Variants in EIF3H observed in about 807,000 individuals in gnomAD.
The protein encoded by EIF3H is eIF-3-gamma.
EIF3H carries 26 observed loss-of-function variants against 44.2 expected under a neutral mutation model. That is an observed-to-expected ratio of 0.59 (90% CI 0.43 to 0.82). EIF3H has a LOEUF of 0.82. EIF3H is among the 40% of genes least tolerant of loss of function. The pLI, the probability that EIF3H is intolerant of heterozygous loss-of-function variation, is 0.00. For synonymous variants in EIF3H, 166 were observed against 151.9 expected (o/e 1.09, Z -0.68); for missense variants, 359 against 432.8 (o/e 0.83, Z 1.51).
At chr8:116,735,626 C>T (rs1815021685) in intron 1 of EIF3H, among the ~76,000 whole-genome samples, 1 of 152,092 alleles carries the variant, frequency 6.6e-6, no homozygotes, top group Admixed American at 6.5e-5. Flanking sequence ...CCTATCTTTA[C>T]GCCACAGAGC....
intron 2 of EIF3H, among the ~76,000 whole-genome samples, chr8:116,720,924 C>T (rs1037895102): frequency 1.3e-5 from 2 of 151,928 alleles, no homozygotes; most frequent in Admixed American, 6.6e-5. Context: ...AAAAGGGAAA[C>T]AGAGTATAAA....
chr8:116,719,911 G>A (rs982407250), intron 2 of EIF3H, among the ~76,000 whole-genome samples: 13 of 152,244 alleles, frequency 8.5e-5, no homozygotes, highest in East Asian at 1.9e-4. Flanking sequence ...TTAACCTCTG[G>A]CATACACTTC....
intron 2 of EIF3H, among the ~76,000 whole-genome samples, chr8:116,661,162 T>A (rs1813580825): frequency 6.6e-6 from 1 of 152,200 alleles, no homozygotes. Flanking sequence ...AATCACTGAT[T>A]TGGCTAATAA....
intron 1 of EIF3H, among the ~76,000 whole-genome samples, chr8:116,735,175 CAA>C (rs1405876216): frequency 6.6e-6 from 1 of 152,082 alleles, no homozygotes; most frequent in Non-Finnish European, 1.5e-5. Flanking sequence ...AGCCATGCCC[CAA>C]AATACATCAG....
intron 2 of EIF3H, among the ~76,000 whole-genome samples, chr8:116,699,919 C>T (rs1814342308): frequency 6.6e-6 from 1 of 152,016 alleles, no homozygotes; most frequent in South Asian, 2.1e-4. Flanking sequence ...CAAGAGACTC[C>T]CGTGCCTCAG....
upstream of EIF3H, chr8:116,755,829 T>C (rs764193322): frequency 6.2e-7 from 1 of 1,609,388 alleles, no homozygotes; most frequent in Non-Finnish European, 8.5e-7. Flanking sequence ...AAGAGAAACG[T>C]GAGTTACCGG....
chr8:116,685,108 T>C (rs1814051526), intron 2 of EIF3H, among the ~76,000 whole-genome samples: 1 of 152,202 alleles, frequency 6.6e-6, no homozygotes, highest in Non-Finnish European at 1.5e-5. Context: ...AATCACTCCG[T>C]CTTTAGGTTA....
At chr8:116,748,158 C>CA (rs537744856) in intron 1 of EIF3H, among the ~76,000 whole-genome samples, 10,610 of 134,386 alleles carry the variant, frequency 0.079, 1,212 homozygotes, top group African/African-American at 0.26. Flanking sequence ...GTCTCAAAAA[C>CA]AAAAAAAAAA....
chr8:116,726,349 A>G (rs1814838052), intron 1 of EIF3H, among the ~76,000 whole-genome samples, 177 bp from the exon 2 acceptor site: 1 of 152,226 alleles, frequency 6.6e-6, no homozygotes, highest in Non-Finnish European at 1.5e-5. Flanking sequence ...AATAAAGCTC[A>G]CATAATCTAA....
chr8:116,702,446 T>G (rs1814393451), intron 2 of EIF3H, among the ~76,000 whole-genome samples: 1 of 152,234 alleles, frequency 6.6e-6, no homozygotes, highest in Non-Finnish European at 1.5e-5. Flanking sequence ...AACCACGTAC[T>G]GCCTTGTGAT....
chr8:116,762,931 G>C (rs946884872), intron 1 of EIF3H, among the ~76,000 whole-genome samples: 9 of 152,218 alleles, frequency 5.9e-5, no homozygotes, highest in Non-Finnish European at 1.3e-4. Flanking sequence ...GCAACAGAGC[G>C]AGACTCCGTC....
At chr8:116,711,799 T>C (rs1400340023) in intron 2 of EIF3H, among the ~76,000 whole-genome samples, 2 of 152,226 alleles carry the variant, frequency 1.3e-5, no homozygotes, top group African/African-American at 4.8e-5. Flanking sequence ...CTTTCAATAA[T>C]CTGATTCACT....
intron 2 of EIF3H, among the ~76,000 whole-genome samples, chr8:116,692,893 G>C (rs962059426): frequency 1.3e-5 from 2 of 152,002 alleles, no homozygotes; most frequent in African/African-American, 4.8e-5. Context: ...CTGGCACAAA[G>C]CTTAATTTTA....
intron 2 of EIF3H, among the ~76,000 whole-genome samples, chr8:116,712,736 G>C (rs1369977125): frequency 2.0e-5 from 3 of 152,098 alleles, no homozygotes; most frequent in Admixed American, 2.0e-4. Context: ...TTCACCTGAA[G>C]AGAGATGAAT....
chr8:116,665,630 T>C (rs1418261952), intron 2 of EIF3H, among the ~76,000 whole-genome samples: 1 of 152,218 alleles, frequency 6.6e-6, no homozygotes, highest in Admixed American at 6.5e-5. Context: ...AAAAATCTCC[T>C]ATCTGTTCTG....
chr8:116,733,434 G>A (rs548795346), intron 1 of EIF3H, among the ~76,000 whole-genome samples: 3 of 152,180 alleles, frequency 2.0e-5, no homozygotes, highest in Admixed American at 6.5e-5. Flanking sequence ...CCATCCTGAG[G>A]GGCCTGACCT....
At chr8:116,645,148 G>A (rs1813278104) in intron 7 of EIF3H, 45 bp from the exon 8 acceptor site, 1 of 1,455,950 alleles carries the variant, frequency 6.9e-7, no homozygotes, top group East Asian at 2.3e-5. Flanking sequence ...TCCACAAATT[G>A]TAAAATGATC....
At chr8:116,701,478 G>A (rs572544535) in intron 2 of EIF3H, among the ~76,000 whole-genome samples, 1 of 152,198 alleles carries the variant, frequency 6.6e-6, no homozygotes, top group South Asian at 2.1e-4. Flanking sequence ...ATTATGGGCT[G>A]GACTTAGTGA....
chr8:116,735,028 A>G (rs896984757), intron 1 of EIF3H, among the ~76,000 whole-genome samples: 3 of 152,216 alleles, frequency 2.0e-5, no homozygotes, highest in African/African-American at 7.2e-5. Flanking sequence ...GTCAGGGTCA[A>G]TCTTTACCTA....
Sources: allele counts gnomAD v4.1 joint callset (sites outside exome capture counted in the v4.1 genomes callset), GRCh38; gene constraint gnomAD v4.1.1; transcripts MANE v1.5; gene names NCBI Gene and HGNC (gene_info 2026-07-23, HGNC 2026-07-21).